The following GALNT17 variants were observed in gnomAD, a reference collection of about 807,000 sequenced individuals.
The protein encoded by GALNT17 is polypeptide N-acetylgalactosaminyltransferase 17.
A neutral mutation model predicts 63.7 loss-of-function variants in GALNT17; 29 were observed. That is an observed-to-expected ratio of 0.46 (90% confidence interval 0.34 to 0.62). GALNT17 has a LOEUF of 0.62. Among genes scored for constraint, GALNT17 ranks in the 20% least tolerant of loss-of-function variants. The pLI is 0.01. For synonymous variants in GALNT17, 305 were observed against 318.3 expected (o/e 0.96, Z 0.45); for missense variants, 603 against 799.6 (o/e 0.75, Z 2.97).
chr7:71,400,574 A>G (rs540924718), intron 3 of GALNT17, among the ~76,000 whole-genome samples: 1 of 152,240 alleles, frequency 6.6e-6, no homozygotes, highest in African/African-American at 2.4e-5. Context: ...AAATATCGAC[A>G]ACTATTTTTA....
At chr7:71,184,598 C>T (rs886581713) in intron 1 of GALNT17, among the ~76,000 whole-genome samples, 1 of 152,170 alleles carries the variant, frequency 6.6e-6, no homozygotes, top group South Asian at 2.1e-4. Flanking sequence ...TCGCCAGCTC[C>T]CTGGCCCAGC....
chr7:71,144,224 C>T (rs371641501), intron 1 of GALNT17, among the ~76,000 whole-genome samples: 6 of 152,122 alleles, frequency 3.9e-5, no homozygotes, highest in East Asian at 3.9e-4. Context: ...CTGGGGAGTC[C>T]GTCAGAAATC....
intron 1 of GALNT17, among the ~76,000 whole-genome samples, chr7:71,154,475 C>T (rs1376305082): frequency 6.6e-6 from 1 of 152,186 alleles, no homozygotes; most frequent in African/African-American, 2.4e-5. Flanking sequence ...CAGCAATAAC[C>T]AGTTGGAACA....
chr7:71,529,766 G>C (rs990253746), intron 5 of GALNT17, among the ~76,000 whole-genome samples: 1 of 152,176 alleles, frequency 6.6e-6, no homozygotes, highest in African/African-American at 2.4e-5. Flanking sequence ...GTAAGAGAAG[G>C]TTGAGTATGT....
chr7:71,614,710 AG>A (rs1790172600), intron 6 of GALNT17, among the ~76,000 whole-genome samples: 1 of 151,440 alleles, frequency 6.6e-6, no homozygotes, highest in Non-Finnish European at 1.5e-5. Flanking sequence ...AGAAAGAGAA[AG>A]GAAAAAAAGA....
At chr7:71,185,991 C>G (rs1788844251) in intron 1 of GALNT17, among the ~76,000 whole-genome samples, 2 of 152,158 alleles carry the variant, frequency 1.3e-5, no homozygotes, top group Non-Finnish European at 2.9e-5. Flanking sequence ...CCTCCCAGAT[C>G]ATTCAAGATT....
intron 6 of GALNT17, among the ~76,000 whole-genome samples, chr7:71,616,383 A>G (rs1205830109): frequency 6.6e-6 from 1 of 151,586 alleles, no homozygotes; most frequent in Non-Finnish European, 1.5e-5. Context: ...TGAACTGGCC[A>G]GTCTTCTTCC....
intron 1 of GALNT17, among the ~76,000 whole-genome samples, chr7:71,134,645 T>C (rs1041003995): frequency 1.3e-5 from 2 of 152,076 alleles, no homozygotes; most frequent in African/African-American, 2.4e-5. Flanking sequence ...GTCAGAAATA[T>C]GGCACAGAAT....
At chr7:71,443,826 G>T (rs2116526007) in intron 5 of GALNT17, among the ~76,000 whole-genome samples, 1 of 152,022 alleles carries the variant, frequency 6.6e-6, no homozygotes, top group South Asian at 2.1e-4. Flanking sequence ...CTGCGTTGAA[G>T]TCATTCTTCT....
Position 71,228,268 on chromosome 7 carries a change from C to T in GALNT17, c.238+95228C>T, listed in dbSNP as rs147932994. Among the ~76,000 whole-genome samples, 9 of 152,258 alleles carry T rather than the reference C, an allele frequency of 5.9e-5. No homozygotes were observed. In the East Asian group the frequency reaches 1.4e-3, roughly 23 times the overall value. On this transcript the variant is annotated intron_variant, in intron 1 of 10. Transcript: ENST00000333538. ...AAAGCTCCTAACTCAACCCAGCAAA[C>T]GTTAAGTCTATGCTAGTGGCCATCC...
chr7:71,134,923 C>G (rs1453935306), intron 1 of GALNT17, among the ~76,000 whole-genome samples: 1 of 136,504 alleles, frequency 7.3e-6, no homozygotes, highest in East Asian at 2.5e-4. Context: ...GCAATCATAG[C>G]TCACTGAAGC....
At chr7:71,322,111 C>A (rs1044508236) in intron 1 of GALNT17, among the ~76,000 whole-genome samples, 3 of 151,760 alleles carry the variant, frequency 2.0e-5, no homozygotes, top group Non-Finnish European at 4.4e-5. Flanking sequence ...GCCATCATGC[C>A]TGGCTAATTT....
At position 71,398,664 on chromosome 7, in the gene GALNT17, G is replaced by A. The variant is rs1394651732; in HGVS notation, c.589+10263G>A. Among the ~76,000 whole-genome samples the A allele has an allele frequency of 3.9e-5, 6 of 152,266 alleles. No individual in the cohort carries two copies. The East Asian group carries it at 7.7e-4, about 20-fold the overall frequency. Reference sequence around the variant, plus strand: ...ATGATTATCTCTTAAATAGTGATTAGACAGCCAGGGGCTGGGTGGAGGGGG... The same window carrying A: ...ATGATTATCTCTTAAATAGTGATTAAACAGCCAGGGGCTGGGTGGAGGGGG... On this transcript the variant is annotated intron_variant, in intron 3 of 10. Coordinates refer to ENST00000333538, the MANE Select transcript of GALNT17 (RefSeq NM_022479.3).
chr7:71,487,962 G>A (rs1265855267), intron 5 of GALNT17, among the ~76,000 whole-genome samples: 2 of 152,086 alleles, frequency 1.3e-5, no homozygotes, highest in Admixed American at 6.6e-5. Context: ...GAGGCCAGGA[G>A]TTTGAGACCA....
chr7:71,588,628 ACT>A lies in GALNT17; in HGVS notation c.1080+17229_1080+17230del, dbSNP rs368512447. On this transcript the variant is annotated intron_variant, in intron 6 of 10. Transcript: ENST00000333538. The stretch of plus-strand genomic sequence containing the variant: ...GTAGTCACAGCCACATGCACCAAAC[ACT>A]CTGCTTTTAGGTTGATTCTACCCAG... 9.7e-3 allele frequency among the ~76,000 whole-genome samples: 1,480 copies of A among 152,000 alleles called. 20 individuals carry two copies. The highest frequency in any genetic ancestry group is 0.033 in the African/African-American group (1,383 of 41,442).
chr7:71,148,849 T>G (rs920468629), intron 1 of GALNT17, among the ~76,000 whole-genome samples: 1 of 118,820 alleles, frequency 8.4e-6, no homozygotes, highest in Admixed American at 1.0e-4. Flanking sequence ...TACAGTAGTA[T>G]TATGGTATTT....
intron 1 of GALNT17, among the ~76,000 whole-genome samples, chr7:71,311,422 G>A (rs1177164527): frequency 3.3e-5 from 5 of 152,172 alleles, no homozygotes; most frequent in African/African-American, 1.2e-4. Flanking sequence ...TAGCTTAACA[G>A]TAAGAAGTGA....
chr7:71,299,627 ACTGTAGCG>A (rs139158602), intron 1 of GALNT17, among the ~76,000 whole-genome samples: 2,923 of 152,206 alleles, frequency 0.019, 107 homozygotes, highest in African/African-American at 0.067. Flanking sequence ...AGACATTGCC[ACTGTAGCG>A]CTGGAATCAA....
At chr7:71,317,707 T>C (rs974660974) in intron 1 of GALNT17, among the ~76,000 whole-genome samples, 1 of 152,190 alleles carries the variant, frequency 6.6e-6, no homozygotes, top group Non-Finnish European at 1.5e-5. Flanking sequence ...TTTGGTCATT[T>C]CTTATTTATT....
Sources: gnomAD v4.1 joint callset for allele counts (sites outside exome capture counted in the v4.1 genomes callset) on GRCh38, gnomAD v4.1.1 for gene constraint, MANE v1.5 for transcripts, NCBI Gene and HGNC (gene_info 2026-07-23, HGNC 2026-07-21) for gene names.